The following KIF26B variants were observed in gnomAD, a reference collection of about 807,000 sequenced individuals.
KIF26B encodes the protein kinesin-like protein KIF26B.
A neutral mutation model predicts 151.2 loss-of-function variants in KIF26B; 63 were observed. That is an observed-to-expected ratio of 0.42 (90% CI 0.34 to 0.51). The LOEUF (loss-of-function observed/expected upper bound fraction) is 0.51, where lower values mean the gene tolerates loss of function less well. Among genes scored for constraint, KIF26B ranks in the 20% least tolerant of loss-of-function variants. The probability of loss-of-function intolerance (pLI) is 0.07; values close to 1 mark genes in which losing one functional copy is unlikely to be tolerated. For missense variants in KIF26B, 2,813 were observed against 2,913.6 expected (o/e 0.97, Z 0.79); for synonymous variants, 1,357 against 1,262.1 (o/e 1.08, Z -1.59).
At chr1:245,262,401 T>C (rs1670663083) in intron 2 of KIF26B, among the ~76,000 whole-genome samples, 1 of 152,206 alleles carries the variant, frequency 6.6e-6, no homozygotes, top group Non-Finnish European at 1.5e-5. Context: ...TTAATTTCTT[T>C]TCCAGGTAGA....
At chr1:245,402,790 A>G (rs898127258) in intron 3 of KIF26B, among the ~76,000 whole-genome samples, 1 of 152,216 alleles carries the variant, frequency 6.6e-6, no homozygotes, top group Non-Finnish European at 1.5e-5. Context: ...AGGCCGGTCT[A>G]GGACATTCAT....
chr1:245,609,691 G>A (rs1053280482), intron 8 of KIF26B, among the ~76,000 whole-genome samples, 163 bp downstream of exon 8: 35 of 152,132 alleles, frequency 2.3e-4, no homozygotes, highest in Non-Finnish European at 3.7e-4. Flanking sequence ...TGGGGCCATC[G>A]GCTTGCCCAG....
In KIF26B at chr1:245,700,567, G is replaced by A. The variant is rs1030969499; in HGVS notation, c.6178+1530G>A. Among the ~76,000 whole-genome samples the A allele has an allele frequency of 3.9e-5, 6 of 152,214 alleles. No individual in the cohort carries two copies. In the South Asian group the frequency reaches 6.2e-4, roughly 16 times the overall value. The stretch of plus-strand genomic sequence containing the variant: ...ACAAAAATTAGCCGGGCGTGGTGGC[G>A]GGCACCTGTAATCTCAGCTACTCAG... On this transcript the variant is annotated intron_variant, in intron 14 of 14. Transcript: ENST00000407071.
At chr1:245,462,403 A>G (rs536291076) in intron 4 of KIF26B, among the ~76,000 whole-genome samples, 10 of 152,218 alleles carry the variant, frequency 6.6e-5, no homozygotes, top group Non-Finnish European at 1.0e-4. Context: ...ACAATGTGCT[A>G]AAGTCGAGTT....
At chr1:245,325,669 T>A (rs537720230) in intron 2 of KIF26B, among the ~76,000 whole-genome samples, 1 of 151,544 alleles carries the variant, frequency 6.6e-6, no homozygotes, top group Non-Finnish European at 1.5e-5. Flanking sequence ...CAAGATCGCA[T>A]CGTTGCACTC....
intron 5 of KIF26B, among the ~76,000 whole-genome samples, chr1:245,593,768 A>G (rs1447477182): frequency 6.6e-6 from 1 of 152,192 alleles, no homozygotes; most frequent in Non-Finnish European, 1.5e-5. Flanking sequence ...CAATGGTTGA[A>G]CTAATTTACA....
chr1:245,659,038 TG>T (rs982796897), intron 10 of KIF26B, among the ~76,000 whole-genome samples: 5 of 151,814 alleles, frequency 3.3e-5, no homozygotes, highest in African/African-American at 1.2e-4. Context: ...AAGACCAGCC[TG>T]GGCAACATAG....
intron 14 of KIF26B, 76 bp downstream of exon 14, chr1:245,699,113 T>C: frequency 6.9e-7 from 1 of 1,449,140 alleles, no homozygotes; most frequent in Non-Finnish European, 9.5e-7. Context: ...TAGCCCAGGG[T>C]GACAGTGACA....
intron 3 of KIF26B, among the ~76,000 whole-genome samples, chr1:245,409,214 G>C (rs1674215630): frequency 6.6e-6 from 1 of 152,210 alleles, no homozygotes; most frequent in African/African-American, 2.4e-5. Context: ...TCTTCTAGGA[G>C]ACTCTTTTTA....
At chr1:245,570,149 G>A (rs2043053512) in intron 5 of KIF26B, among the ~76,000 whole-genome samples, 1 of 151,882 alleles carries the variant, frequency 6.6e-6, no homozygotes, top group East Asian at 1.9e-4. Flanking sequence ...TGTTAGCCAG[G>A]ATGGTCTTGA....
At chr1:245,585,466 G>A (rs1390807391) in intron 5 of KIF26B, among the ~76,000 whole-genome samples, 1 of 152,012 alleles carries the variant, frequency 6.6e-6, no homozygotes, top group Non-Finnish European at 1.5e-5. Context: ...CTGTCTAGTC[G>A]GTGAGCTAAT....
intron 3 of KIF26B, among the ~76,000 whole-genome samples, chr1:245,388,321 A>G (rs1673602547): frequency 1.3e-5 from 2 of 152,240 alleles, no homozygotes; most frequent in Non-Finnish European, 2.9e-5. Context: ...TACATAAAAT[A>G]GCTCACATGG....
chr1:245,233,276 G>A (rs762255821), intron 2 of KIF26B, among the ~76,000 whole-genome samples: 14 of 152,088 alleles, frequency 9.2e-5, no homozygotes, highest in South Asian at 4.2e-4. Flanking sequence ...AAGTTATATC[G>A]AACATTGCAG....
intron 2 of KIF26B, among the ~76,000 whole-genome samples, chr1:245,349,734 A>C (rs1672528075): frequency 1.3e-5 from 2 of 152,186 alleles, no homozygotes; most frequent in South Asian, 4.1e-4. Flanking sequence ...AAAGCAACTA[A>C]AACTCTCCTT....
chr1:245,463,242 T>C (rs1159707138), intron 4 of KIF26B, among the ~76,000 whole-genome samples: 1 of 152,194 alleles, frequency 6.6e-6, no homozygotes, highest in Non-Finnish European at 1.5e-5. Context: ...AATCCTCACG[T>C]CAATCCCACT....
rs2043947721 is a variant in KIF26B at position 245,646,415 on chromosome 1, C to A, written c.2258+135C>A. On this transcript the variant is annotated intron_variant, in intron 10 of 14. Transcript: ENST00000407071. The stretch of plus-strand genomic sequence containing the variant: ...TTATAAGTTCAGTGCCAGAGACCAG[C>A]CTTAGCTAACAGTTGTGTAATGCAT... The A allele has an allele frequency of 3.5e-6, 3 of 857,586 alleles. No individual in the cohort carries two copies. In the South Asian group the frequency reaches 6.9e-5, roughly 20 times the overall value. The allele number at this position is 857,586 out of a possible 1,614,324, so 53.1% of individuals were successfully genotyped here.
chr1:245,352,644 A>G lies in KIF26B; in HGVS notation c.466-14190A>G, dbSNP rs1672593519. 6.6e-6 allele frequency among the ~76,000 whole-genome samples: 1 copy of G among 151,990 alleles called. No homozygotes were observed. Among genetic ancestry groups the G allele is most frequent in the South Asian group, 2.1e-4 (1 of 4,822 alleles). On this transcript the variant is annotated intron_variant, in intron 2 of 14. Coordinates refer to ENST00000407071, the MANE Select transcript of KIF26B (RefSeq NM_018012.4). This position sits in a 1 kb window ranked among gnomAD's most constrained non-coding sequence, Gnocchi z 5.0. ...TTTAATCCTTTTTTGGACCACAACA[A>G]TCACTTTACGAACATTTTTTTAACT...
chr1:245,702,701 A>G lies in KIF26B; in HGVS notation c.*95A>G. 3 of 1,349,324 alleles carry G rather than the reference A, an allele frequency of 2.2e-6. No individual in the cohort carries two copies. In the African/African-American group the frequency reaches 4.4e-5, roughly 20 times the overall value. 83.6% of individuals were successfully genotyped at this position (1,349,324 alleles called of 1,614,324 possible). On this transcript the variant is annotated 3_prime_UTR_variant, in exon 15 of 15. Coordinates refer to ENST00000407071, the MANE Select transcript of KIF26B (RefSeq NM_018012.4). The surrounding 1 kb of genome is among the most constrained non-coding windows in gnomAD (Gnocchi z 4.1). ...CCTCTGTGCTGGGGCATCAAAGACA[A>G]TGAATGAGGATGAAGGTTGGTGGCA...
At chr1:245,403,239 T>C (rs1674049566) in intron 3 of KIF26B, among the ~76,000 whole-genome samples, 1 of 152,100 alleles carries the variant, frequency 6.6e-6, no homozygotes, top group Non-Finnish European at 1.5e-5. Context: ...TCCCAAGTAG[T>C]TGGGACTACA....
Sources: gnomAD v4.1 joint callset for allele counts (sites outside exome capture counted in the v4.1 genomes callset) on GRCh38, gnomAD v4.1.1 for gene constraint, Gnocchi (gnomAD v3.1) non-coding constraint, MANE v1.5 for transcripts, NCBI Gene and HGNC (gene_info 2026-07-23, HGNC 2026-07-21) for gene names.